The following RGL3 variants were observed in gnomAD, a reference collection of about 807,000 sequenced individuals.
The protein encoded by RGL3 is ral guanine nucleotide dissociation stimulator like 3.
In RGL3, 85 loss-of-function variants were observed where a neutral mutation model predicts 90.6. The ratio of observed to expected loss-of-function variants is 0.94; its 90% CI spans 0.79 to 1.12. The LOEUF is 1.12. RGL3 is among the 50% of genes most tolerant of loss of function. The pLI is 0.00. For missense variants in RGL3, 1,034 were observed against 939.2 expected (o/e 1.10, Z -1.32); for synonymous variants, 408 against 385.5 (o/e 1.06, Z -0.68).
intron 4 of RGL3, 38 bp downstream of exon 4, chr19:11,416,576 T>A (rs1460152683): frequency 1.2e-6 from 2 of 1,601,368 alleles, no homozygotes; most frequent in Non-Finnish European, 1.7e-6. Context: ...CTCTTGGATT[T>A]CCCTCCCCGC....
intron 18 of RGL3, among the ~76,000 whole-genome samples, chr19:11,396,460 C>T (rs1463281199): frequency 2.0e-5 from 3 of 150,994 alleles, no homozygotes; most frequent in Non-Finnish European, 2.9e-5. Context: ...GTTGAGCCAC[C>T]GCACCCAGCC....
chr19:11,401,552 C>T (rs1275413812), intron 13 of RGL3, among the ~76,000 whole-genome samples: 4 of 151,874 alleles, frequency 2.6e-5, no homozygotes, highest in East Asian at 1.9e-4. Flanking sequence ...CCTGCCACTA[C>T]ACCTGGCTAA....
intron 9 of RGL3, among the ~76,000 whole-genome samples, chr19:11,403,234 ACT>A (rs1968711905): frequency 6.6e-6 from 1 of 150,644 alleles, no homozygotes; most frequent in Non-Finnish European, 1.5e-5. Flanking sequence ...ACAGGGTTTC[ACT>A]GTGTTAGCCA....
At chr19:11,417,277 A>G (rs920866893) in intron 2 of RGL3, among the ~76,000 whole-genome samples, 1 of 151,422 alleles carries the variant, frequency 6.6e-6, no homozygotes, top group Non-Finnish European at 1.5e-5. Context: ...TCAGCCTCCA[A>G]GTAGCTGAAA....
At chr19:11,418,827 C>T in intron 1 of RGL3, 43 bp from the exon 2 acceptor site, 1 of 1,473,714 alleles carries the variant, frequency 6.8e-7, no homozygotes, top group Non-Finnish European at 9.1e-7. Context: ...GGGCACAGGT[C>T]CTGGGGCCTC....
At position 11,394,141 on chromosome 19, in the gene RGL3, G is replaced by A. The variant is rs1402243060; in HGVS notation, c.*261C>T. ...ACATTTATAAGATTTCTCTGGGGAG[G>A]GATTTGACGTATCCATGCCCCACCT... is the stretch of plus-strand genomic sequence containing the variant. On this transcript the variant is annotated 3_prime_UTR_variant, in exon 19 of 19. Transcript: ENST00000380456. The A allele has an allele frequency of 7.6e-6, 3 of 394,990 alleles. No individual in the cohort carries two copies. The highest frequency in any genetic ancestry group is 7.9e-5 in the Admixed American group (2 of 25,406). 24.5% of individuals were successfully genotyped at this position (394,990 alleles called of 1,614,324 possible). A position where few individuals can be genotyped will look rare whatever the true frequency, so the allele number is the denominator to read the frequency against.
intron 18 of RGL3, 40 bp from the exon 19 acceptor site, chr19:11,394,560 C>A (rs763312989): frequency 1.4e-6 from 2 of 1,473,974 alleles, no homozygotes; most frequent in South Asian, 2.3e-5. Flanking sequence ...GCCCTCACAA[C>A]CTTGTGTCAC....
intron 9 of RGL3, among the ~76,000 whole-genome samples, chr19:11,403,640 CAAAAAAAAAAA>C (rs889376839): frequency 4.0e-5 from 2 of 49,414 alleles, no homozygotes; most frequent in African/African-American, 1.4e-4. Context: ...AACTCCATCT[CAAAAAAAAAAA>C]AAAAAAAAAA....
chr19:11,410,541 G>A (rs995137780), intron 5 of RGL3, among the ~76,000 whole-genome samples: 6 of 151,736 alleles, frequency 4.0e-5, no homozygotes, highest in Non-Finnish European at 8.8e-5. Context: ...TTAAAGTTGC[G>A]CATCCTGATG....
Position 11,417,071 on chromosome 19 carries a change from G to A in RGL3, c.148-12C>T, listed in dbSNP as rs377459368. On this transcript the variant is annotated splice_polypyrimidine_tract_variant and intron_variant, in intron 2 of 18. Coordinates refer to ENST00000380456, the MANE Select transcript of RGL3 (RefSeq NM_001035223.4). ...ATGGGGCTGGGAGCCTGCAGGAGGG[G>A]AGAGGTGGCCATGAGAGAGCAGGAG... is the stretch of plus-strand genomic sequence containing the variant. 6.3e-7 allele frequency: 1 copy of A among 1,580,446 alleles called. No individual in the cohort carries two copies.
chr19:11,418,954 G>A (rs935857209), intron 1 of RGL3, 170 bp from the exon 2 acceptor site: 4 of 629,846 alleles, frequency 6.4e-6, no homozygotes, highest in Non-Finnish European at 1.1e-5. Context: ...TCCTCGCTGC[G>A]GGTCCCCTCC....
At chr19:11,401,381 A>G (rs72992941) in intron 13 of RGL3, among the ~76,000 whole-genome samples, 1 of 151,188 alleles carries the variant, frequency 6.6e-6, no homozygotes, top group Non-Finnish European at 1.5e-5. Context: ...GGCACTCAAC[A>G]CCACATTCAG....
Position 11,406,769 on chromosome 19 carries a change from C to T in RGL3, c.733G>A (p.Asp245Asn). 6.2e-7 allele frequency: 1 copy of T among 1,614,106 alleles called. No individual in the cohort carries two copies. Among genetic ancestry groups the T allele is most frequent in the Non-Finnish European group, 8.5e-7 (1 of 1,180,042 alleles). Reference sequence around the variant, plus strand: ...TCGGCCACCTCGTCCACGCTGAAGTCCAGGAGCTGGGGACCTTGAGGCATG... The same window carrying T: ...TCGGCCACCTCGTCCACGCTGAAGTTCAGGAGCTGGGGACCTTGAGGCATG... ...GLMPQGPQLL[D>N]FSVDEVAEQL... Residue 245 changes from aspartate to asparagine, a missense_variant, in exon 6 of 19, where the codon GAC becomes AAC. Transcript: ENST00000380456.
At chr19:11,415,737 A>AGT (rs1968980845) in intron 5 of RGL3, among the ~76,000 whole-genome samples, 200 bp downstream of exon 5, 1 of 151,580 alleles carries the variant, frequency 6.6e-6, no homozygotes, top group Non-Finnish European at 1.5e-5. Context: ...GGCCTCCCAA[A>AGT]CTGCTGGGAT....
intron 7 of RGL3, 53 bp from the exon 8 acceptor site, chr19:11,405,479 C>G (rs533237455): frequency 3.3e-4 from 135 of 410,364 alleles, no homozygotes; most frequent in Non-Finnish European, 5.8e-4. Flanking sequence ...ACCTTTCATC[C>G]TGAAACTTCT....
intron 4 of RGL3, 99 bp downstream of exon 4, chr19:11,416,515 A>C (rs1305783321): frequency 8.3e-7 from 1 of 1,209,956 alleles, no homozygotes; most frequent in Non-Finnish European, 1.2e-6. Flanking sequence ...CCAGTCTCTT[A>C]TTACCCAACC....
chr19:11,405,135 A>T lies in RGL3; in HGVS notation c.1185+12T>A, dbSNP rs1968747786. On this transcript the variant is annotated intron_variant, in intron 9 of 18. Coordinates refer to ENST00000380456, the MANE Select transcript of RGL3 (RefSeq NM_001035223.4). ...CGGGCCTAAAATCCCTGGAGTCTGC[A>T]TCCATCTCTACCTGGAAAAGAATCT... 1.2e-6 allele frequency: 2 copies of T among 1,612,220 alleles called. No individual in the cohort carries two copies. Among genetic ancestry groups the T allele is most frequent in the African/African-American group, 2.7e-5 (2 of 74,870 alleles).
rs1290424742 is a variant in RGL3 at position 11,405,363 on chromosome 19, G to T, written c.1060C>A (p.Pro354Thr). ...CAGCTGCGCTTGAGCCGGTAGATGG[G>T]GTTAGATTGCAGGGCGGACAGGATG... ...RAILSALQSN[P>T]IYRLKRSWGA... Residue 354 changes from proline to threonine, a missense_variant, in exon 8 of 19, where the codon CCC (proline) becomes ACC (threonine). Coordinates refer to ENST00000380456, the MANE Select transcript of RGL3 (RefSeq NM_001035223.4). The T allele has an allele frequency of 1.2e-6, 2 of 1,612,476 alleles. No individual in the cohort carries two copies. Among genetic ancestry groups the T allele is most frequent in the East Asian group, 2.2e-5 (1 of 44,852 alleles).
chr19:11,414,801 C>T (rs1436512418), intron 5 of RGL3, among the ~76,000 whole-genome samples: 1 of 151,838 alleles, frequency 6.6e-6, no homozygotes, highest in Non-Finnish European at 1.5e-5. Context: ...GTCCTCCTCT[C>T]ATGCACTCAC....
Sources: gnomAD v4.1 joint callset for allele counts (sites outside exome capture counted in the v4.1 genomes callset) on GRCh38, gnomAD v4.1.1 for gene constraint, MANE v1.5 for transcripts, NCBI Gene and HGNC (gene_info 2026-07-23, HGNC 2026-07-21) for gene names.